Variants in MS4A13 observed in about 807,000 individuals in gnomAD.
MS4A13 encodes membrane-spanning 4-domains subfamily A member 13.
Under a neutral mutation model 18.4 loss-of-function variants are expected in MS4A13, and 21 were observed. That is an observed-to-expected ratio of 1.14 (90% CI 0.81 to 1.64). The LOEUF (loss-of-function observed/expected upper bound fraction) is 1.64, where lower values mean the gene tolerates loss of function less well. MS4A13 is among the 40% of genes most tolerant of loss of function. The probability of loss-of-function intolerance (pLI) is 0.00; values close to 1 mark genes in which losing one functional copy is unlikely to be tolerated. For missense variants in MS4A13, 173 were observed against 176.8 expected (o/e 0.98, Z 0.12); for synonymous variants, 62 against 57.2 (o/e 1.08, Z -0.38).
In MS4A13 at chr11:60,530,842, T is replaced by C. The variant is rs190780871; in HGVS notation, c.402+1382T>C. On this transcript the variant is annotated intron_variant, in intron 6 of 6. Transcript: ENST00000378186. ...TGATAGTGAGTGAGTTCTCATGAGATCTGATAGTTTTATAAGTGTTTAGCA... is the reference window on the plus strand; with the variant it reads ...TGATAGTGAGTGAGTTCTCATGAGACCTGATAGTTTTATAAGTGTTTAGCA... 2.1e-3 allele frequency among the ~76,000 whole-genome samples: 323 copies of C among 152,292 alleles called. 1 individual carries two copies. Among genetic ancestry groups the C allele is most frequent in the African/African-American group, 7.6e-3 (314 of 41,542 alleles).
At chr11:60,527,360 CCG>C (rs1491217812) in intron 5 of MS4A13, among the ~76,000 whole-genome samples, 16,176 of 44,546 alleles carry the variant, frequency 0.36, 1,678 homozygotes, top group Non-Finnish European at 0.44. Flanking sequence ...CTCATTCATT[CCG>C]TCTCTCTCTC....
intron 6 of MS4A13, among the ~76,000 whole-genome samples, chr11:60,532,035 G>C (rs767686284): frequency 1.3e-5 from 2 of 152,164 alleles, no homozygotes; most frequent in Non-Finnish European, 2.9e-5. Context: ...ACAACAAAAA[G>C]TATGCAAATA....
chr11:60,535,384 T>C lies in MS4A13; in HGVS notation c.402+5924T>C, dbSNP rs1271407468. On this transcript the variant is annotated intron_variant, in intron 6 of 6. Coordinates refer to ENST00000378186, the MANE Select transcript of MS4A13 (RefSeq NM_001012417.3). Reference sequence around the variant, plus strand: ...AGAAATACAAACTACCATCAGAGAATACTACAAACACCTCTACGCAAATAA... The same window carrying C: ...AGAAATACAAACTACCATCAGAGAACACTACAAACACCTCTACGCAAATAA... Among the ~76,000 whole-genome samples, 629 of 110,690 alleles carry C rather than the reference T, an allele frequency of 5.7e-3. 32 individuals are homozygous for C. The highest frequency in any genetic ancestry group is 0.023 in the African/African-American group (612 of 27,106). 72.6% of individuals were successfully genotyped at this position (110,690 alleles called of 152,430 possible).
chr11:60,539,053 C>T (rs1414520918), intron 6 of MS4A13, among the ~76,000 whole-genome samples: 1 of 138,312 alleles, frequency 7.2e-6, no homozygotes, highest in Non-Finnish European at 1.5e-5. Context: ...GGGGATTCTT[C>T]TCCTGGCCCT....
intron 3 of MS4A13, among the ~76,000 whole-genome samples, chr11:60,518,797 T>C (rs1401570827): frequency 6.6e-6 from 1 of 152,202 alleles, no homozygotes; most frequent in Admixed American, 6.5e-5. Flanking sequence ...TTACAAGTAG[T>C]TTCAGTGGAA....
intron 6 of MS4A13, among the ~76,000 whole-genome samples, chr11:60,538,714 T>A (rs1465382087): frequency 6.8e-6 from 1 of 147,008 alleles, no homozygotes; most frequent in Non-Finnish European, 1.5e-5. Flanking sequence ...GACTTTCACT[T>A]CCTGGGGTTA....
intron 5 of MS4A13, among the ~76,000 whole-genome samples, chr11:60,527,681 CA>C (rs2086729408): frequency 1.3e-5 from 2 of 151,942 alleles, no homozygotes; most frequent in Admixed American, 1.3e-4. Context: ...ACTAAAAATA[CA>C]AAAGTTAGCT....
At chr11:60,533,600 A>G (rs1170689616) in intron 6 of MS4A13, among the ~76,000 whole-genome samples, 1 of 113,104 alleles carries the variant, frequency 8.8e-6, no homozygotes, top group Non-Finnish European at 1.8e-5. Flanking sequence ...AACACTCTGC[A>G]GGATATTATC....
At position 60,542,655 on chromosome 11, in the gene MS4A13, T is replaced by TA; in HGVS notation, c.*81dup. On this transcript the variant is annotated 3_prime_UTR_variant, in exon 7 of 7. Coordinates refer to ENST00000378186, the MANE Select transcript of MS4A13 (RefSeq NM_001012417.3). ...TGATATCTCTGTATAACAAAGCAGT[T>TA]ACGAAGCCTACAGATTTTGTGCAAA... 2 of 780,512 alleles carry TA rather than the reference T, an allele frequency of 2.6e-6. No homozygotes were observed. Among genetic ancestry groups the TA allele is most frequent in the Non-Finnish European group, 4.0e-6 (2 of 497,162 alleles). 48.3% of individuals were successfully genotyped at this position (780,512 alleles called of 1,614,324 possible).
At chr11:60,529,824 G>C (rs755463694) in intron 6 of MS4A13, among the ~76,000 whole-genome samples, 21 of 152,054 alleles carry the variant, frequency 1.4e-4, no homozygotes, top group Non-Finnish European at 2.9e-4. Flanking sequence ...GCAATGATTA[G>C]AAATATCTTT....
At chr11:60,532,593 G>A (rs989458022) in intron 6 of MS4A13, among the ~76,000 whole-genome samples, 13 of 152,130 alleles carry the variant, frequency 8.5e-5, no homozygotes, top group Non-Finnish European at 1.5e-4. Flanking sequence ...CGAGGTTGGG[G>A]GAGGGGCGCC....
intron 5 of MS4A13, among the ~76,000 whole-genome samples, chr11:60,526,002 C>G (rs952138612): frequency 6.6e-6 from 1 of 151,726 alleles, no homozygotes; most frequent in Non-Finnish European, 1.5e-5. Context: ...CCTTGTCTGA[C>G]CAACAGAACA....
intron 6 of MS4A13, among the ~76,000 whole-genome samples, chr11:60,542,224 A>G (rs117591116): frequency 8.9e-5 from 9 of 101,072 alleles, no homozygotes; most frequent in African/African-American, 1.3e-4. Flanking sequence ...GGAAAGAAAG[A>G]AAGGAAGGAA....
chr11:60,527,406 C>CTGTGTGTGTGTGTGTG (rs1408422219), intron 5 of MS4A13, among the ~76,000 whole-genome samples: 15 of 46,098 alleles, frequency 3.3e-4, no homozygotes, highest in Non-Finnish European at 4.7e-4. Flanking sequence ...CTCTCTCTCT[C>CTGTGTGTGTGTGTGTG]TCTCTGTGTG....
chr11:60,518,925 G>A (rs1161843850), intron 3 of MS4A13, among the ~76,000 whole-genome samples: 1 of 152,164 alleles, frequency 6.6e-6, no homozygotes, highest in African/African-American at 2.4e-5. Context: ...AAAGAAATGG[G>A]GTGATAGCTG....
chr11:60,526,585 AAT>A (rs2086714795), intron 5 of MS4A13, among the ~76,000 whole-genome samples: 1 of 152,352 alleles, frequency 6.6e-6, no homozygotes, highest in Middle Eastern at 3.4e-3. Flanking sequence ...AGTTACACAA[AAT>A]GAGCTTGTAT....
At chr11:60,524,897 T>A (rs963265495) in intron 4 of MS4A13, among the ~76,000 whole-genome samples, 1 of 152,100 alleles carries the variant, frequency 6.6e-6, no homozygotes, top group Non-Finnish European at 1.5e-5. Flanking sequence ...CCTGACCTCG[T>A]GATCCACCCG....
rs753922821 is a variant in MS4A13, at chr11:60,542,507, C to CT, written c.403-5dup. 5.0e-6 allele frequency: 8 copies of CT among 1,593,306 alleles called. No individual in the cohort carries two copies. Among genetic ancestry groups the CT allele is most frequent in the Admixed American group, 3.4e-5 (2 of 58,928 alleles). On this transcript the variant is annotated splice_polypyrimidine_tract_variant and intron_variant, in intron 6 of 6. Transcript: ENST00000378186. The stretch of plus-strand genomic sequence containing the variant: ...ACATGATATGATTTGTAAGAGGTTA[C>CT]TTTTTTTCCAGTTTCGAAGACAAAA...
intron 3 of MS4A13, among the ~76,000 whole-genome samples, chr11:60,518,613 A>G (rs181145187): frequency 1.3e-5 from 2 of 152,226 alleles, no homozygotes; most frequent in Non-Finnish European, 2.9e-5. Context: ...TGGTTTCTAG[A>G]TAGCCATTAG....
Sources: gnomAD v4.1 joint callset for allele counts (sites outside exome capture counted in the v4.1 genomes callset) on GRCh38, gnomAD v4.1.1 for gene constraint, MANE v1.5 for transcripts, NCBI Gene and HGNC (gene_info 2026-07-23, HGNC 2026-07-21) for gene names.